Variants in CLSTN2 observed in about 807,000 individuals in gnomAD.
The protein encoded by CLSTN2 is calsyntenin 2.
A neutral mutation model predicts 101.2 loss-of-function variants in CLSTN2; 48 were observed. The ratio of observed to expected loss-of-function variants is 0.47; its 90% confidence interval spans 0.38 to 0.60. The LOEUF is 0.60. Among genes scored for constraint, CLSTN2 ranks in the 20% least tolerant of loss-of-function variants. The pLI, the probability that CLSTN2 is intolerant of heterozygous loss-of-function variation, is 0.00. For synonymous variants in CLSTN2, 481 were observed against 463.6 expected (o/e 1.04, Z -0.48); for missense variants, 1,160 against 1,238.2 (o/e 0.94, Z 0.95).
At chr3:140,443,430 C>G (rs1308501446) in intron 5 of CLSTN2, among the ~76,000 whole-genome samples, 1 of 152,194 alleles carries the variant, frequency 6.6e-6, no homozygotes, top group Non-Finnish European at 1.5e-5. Context: ...TTAATGTTCT[C>G]TTGATAAGAA....
At chr3:140,435,897 G>A (rs2088681533) in intron 5 of CLSTN2, among the ~76,000 whole-genome samples, 1 of 152,028 alleles carries the variant, frequency 6.6e-6, no homozygotes, top group Admixed American at 6.5e-5. Context: ...CAAATATTTT[G>A]CCTATCCTTC....
intron 6 of CLSTN2, among the ~76,000 whole-genome samples, chr3:140,458,462 A>G (rs1933471719): frequency 6.6e-6 from 1 of 152,102 alleles, no homozygotes; most frequent in South Asian, 2.1e-4. Flanking sequence ...TGTGTATAGA[A>G]CAGAAGGATG....
At chr3:140,341,409 A>G (rs192380620) in intron 2 of CLSTN2, among the ~76,000 whole-genome samples, 1 of 152,334 alleles carries the variant, frequency 6.6e-6, no homozygotes, top group South Asian at 2.1e-4. Flanking sequence ...TGTATCCGGC[A>G]GAGCAACTTC....
intron 1 of CLSTN2, among the ~76,000 whole-genome samples, chr3:140,000,158 G>A (rs1412946901): frequency 6.6e-6 from 1 of 152,074 alleles, no homozygotes; most frequent in Non-Finnish European, 1.5e-5. Context: ...GTAGATGAGG[G>A]AACTGAATCT....
intron 2 of CLSTN2, among the ~76,000 whole-genome samples, chr3:140,207,537 C>T (rs1383046799): frequency 6.6e-6 from 1 of 152,114 alleles, no homozygotes. Flanking sequence ...AATAAGATGA[C>T]ATTTGTGAAC....
chr3:140,229,873 C>T (rs890421635), intron 2 of CLSTN2, among the ~76,000 whole-genome samples: 4 of 152,100 alleles, frequency 2.6e-5, no homozygotes, highest in East Asian at 1.9e-4. Flanking sequence ...AGCTTTCAGT[C>T]GGCTAGCTTT....
chr3:139,977,931 C>A (rs1431817559), intron 1 of CLSTN2, among the ~76,000 whole-genome samples: 1 of 152,144 alleles, frequency 6.6e-6, no homozygotes, highest in African/African-American at 2.4e-5. Flanking sequence ...CCTTTGCTGG[C>A]CTGTTTCTGT....
chr3:140,150,873 T>A (rs1210767031), intron 1 of CLSTN2, among the ~76,000 whole-genome samples: 5 of 152,110 alleles, frequency 3.3e-5, no homozygotes, highest in African/African-American at 1.2e-4. Flanking sequence ...TCCCAGTACA[T>A]AAGATAGGTG....
chr3:140,026,068 A>T (rs548864631), intron 1 of CLSTN2, among the ~76,000 whole-genome samples: 1 of 152,196 alleles, frequency 6.6e-6, no homozygotes, highest in Non-Finnish European at 1.5e-5. Flanking sequence ...GCTCTCCAGG[A>T]TCTCTCCTGG....
intron 2 of CLSTN2, among the ~76,000 whole-genome samples, chr3:140,357,819 C>G (rs1346003388): frequency 6.6e-6 from 1 of 152,162 alleles, no homozygotes; most frequent in African/African-American, 2.4e-5. Flanking sequence ...CCAATATGTT[C>G]TAGTCAGCTC....
intron 1 of CLSTN2, among the ~76,000 whole-genome samples, chr3:140,130,089 G>A (rs545063336): frequency 2.6e-5 from 4 of 152,220 alleles, no homozygotes; most frequent in African/African-American, 7.2e-5. Flanking sequence ...ACTCCTGCAT[G>A]TTGCAATGTG....
intron 1 of CLSTN2, among the ~76,000 whole-genome samples, chr3:140,094,482 T>C (rs192999935): frequency 1.8e-4 from 27 of 152,338 alleles, no homozygotes; most frequent in Admixed American, 3.3e-4. Context: ...CCTTTAACTC[T>C]TGCAGGCATT....
chr3:140,356,266 C>T (rs2087669740), intron 2 of CLSTN2, among the ~76,000 whole-genome samples: 1 of 152,148 alleles, frequency 6.6e-6, no homozygotes, highest in East Asian at 1.9e-4. Flanking sequence ...GAAAGCAGAA[C>T]GTGTGCTGGG....
At chr3:140,265,591 C>A (rs1292752652) in intron 2 of CLSTN2, among the ~76,000 whole-genome samples, 1 of 152,182 alleles carries the variant, frequency 6.6e-6, no homozygotes, top group Non-Finnish European at 1.5e-5. Flanking sequence ...AGCGCAGTTT[C>A]AATGTACTTT....
In CLSTN2 at chr3:140,308,355, GTGGCA is replaced by G. The variant is rs2087133938; in HGVS notation, c.233-95272_233-95268del. 2.0e-5 allele frequency among the ~76,000 whole-genome samples: 3 copies of G among 152,170 alleles called. No individual in the cohort carries two copies. The South Asian group carries it at 6.2e-4, about 32-fold the overall frequency. On this transcript the variant is annotated intron_variant, in intron 2 of 16. Coordinates refer to ENST00000458420, the MANE Select transcript of CLSTN2 (RefSeq NM_022131.3). The stretch of plus-strand genomic sequence containing the variant: ...GGTGTAAGGGGCATCAGTTCAGAAG[GTGGCA>G]TTCAATATCAAGGAAGGTAGCATTG...
intron 5 of CLSTN2, among the ~76,000 whole-genome samples, chr3:140,431,542 C>G (rs911716760): frequency 7.9e-5 from 12 of 152,210 alleles, no homozygotes; most frequent in Non-Finnish European, 2.9e-5. Flanking sequence ...CAATCTCTTT[C>G]CTATCTTTTT....
chr3:139,948,294 G>A (rs1935242953), intron 1 of CLSTN2, among the ~76,000 whole-genome samples: 1 of 152,062 alleles, frequency 6.6e-6, no homozygotes, highest in African/African-American at 2.4e-5. Context: ...GTGAGCAAAA[G>A]CATCTTTAGA....
At chr3:140,430,686 G>A (rs926089321) in intron 5 of CLSTN2, among the ~76,000 whole-genome samples, 8 of 152,186 alleles carry the variant, frequency 5.3e-5, no homozygotes, top group Non-Finnish European at 7.3e-5. Context: ...GATTAGATGC[G>A]TAGCAAAGCC....
At chr3:139,939,293 G>T (rs1283684766) in intron 1 of CLSTN2, among the ~76,000 whole-genome samples, 4 of 152,190 alleles carry the variant, frequency 2.6e-5, no homozygotes, top group African/African-American at 9.7e-5. Context: ...TACAACACAT[G>T]CAGAGCCAGT....
Sources: gnomAD v4.1 joint callset for allele counts (sites outside exome capture counted in the v4.1 genomes callset) on GRCh38, gnomAD v4.1.1 for gene constraint, MANE v1.5 for transcripts, NCBI Gene and HGNC (gene_info 2026-07-23, HGNC 2026-07-21) for gene names.